CNTN4: variants seen among roughly 807,000 people sequenced by gnomAD.
The protein encoded by CNTN4 is contactin-4.
In CNTN4, 77 loss-of-function variants were observed where a neutral mutation model predicts 122.5. The ratio of observed to expected loss-of-function variants is 0.63; its 90% confidence interval spans 0.52 to 0.76. The LOEUF (loss-of-function observed/expected upper bound fraction) is 0.76. CNTN4 is among the 30% of genes least tolerant of loss of function. The probability of loss-of-function intolerance (pLI) is 0.00; values close to 1 mark genes in which losing one functional copy is unlikely to be tolerated. For synonymous variants in CNTN4, 512 were observed against 447.0 expected (o/e 1.15, Z -1.83); for missense variants, 1,256 against 1,259.1 (o/e 1.00, Z 0.04).
At chr3:3,042,830 A>G (rs532454315) in intron 21 of CNTN4, 147 bp from the exon 22 acceptor site, 1 of 705,980 alleles carries the variant, frequency 1.4e-6, no homozygotes, top group African/African-American at 1.8e-5. Flanking sequence ...CTCAGGATAT[A>G]CAGAGTCCTT....
intron 13 of CNTN4, among the ~76,000 whole-genome samples, chr3:2,967,674 C>T (rs1369601735): frequency 6.6e-6 from 1 of 152,086 alleles, no homozygotes; most frequent in Non-Finnish European, 1.5e-5. Context: ...TTTGCAATGG[C>T]AGTTTCCATA....
intron 4 of CNTN4, among the ~76,000 whole-genome samples, chr3:2,585,765 C>A (rs573069741): frequency 1.3e-5 from 2 of 150,918 alleles, no homozygotes; most frequent in African/African-American, 4.9e-5. Flanking sequence ...GTGCAGCACA[C>A]CAACATGGCA....
intron 3 of CNTN4, among the ~76,000 whole-genome samples, chr3:2,565,022 G>A (rs1259872046): frequency 6.6e-6 from 1 of 151,900 alleles, no homozygotes; most frequent in Non-Finnish European, 1.5e-5. Context: ...TTTAAAATGG[G>A]GAGCAACTGT....
At chr3:2,209,137 G>A (rs909023496) in intron 2 of CNTN4, among the ~76,000 whole-genome samples, 4 of 152,052 alleles carry the variant, frequency 2.6e-5, no homozygotes, top group Non-Finnish European at 5.9e-5. Flanking sequence ...TTTTAATATC[G>A]CCTAGCAGCT....
chr3:2,678,345 C>T (rs920544039), intron 4 of CNTN4, among the ~76,000 whole-genome samples: 5 of 152,064 alleles, frequency 3.3e-5, no homozygotes, highest in African/African-American at 1.2e-4. Flanking sequence ...TATATTTATC[C>T]TGTCCTTAAT....
At chr3:2,287,569 C>T (rs562881013) in intron 2 of CNTN4, among the ~76,000 whole-genome samples, 1 of 149,008 alleles carries the variant, frequency 6.7e-6, no homozygotes, top group South Asian at 2.2e-4. Flanking sequence ...TGCCACTGCA[C>T]TTTAGCCTGG....
chr3:2,606,246 A>T (rs916775531), intron 4 of CNTN4, among the ~76,000 whole-genome samples: 2 of 152,140 alleles, frequency 1.3e-5, no homozygotes, highest in Non-Finnish European at 2.9e-5. Context: ...TGGCAATAAG[A>T]AGTTATTGTA....
At chr3:2,413,171 C>G (rs2047290312) in intron 3 of CNTN4, among the ~76,000 whole-genome samples, 1 of 152,300 alleles carries the variant, frequency 6.6e-6, no homozygotes, top group South Asian at 2.1e-4. Context: ...TAACTCTTCT[C>G]ACTCATTTTG....
intron 12 of CNTN4, among the ~76,000 whole-genome samples, chr3:2,910,027 TGAGA>T (rs1301951748): frequency 1.3e-5 from 2 of 152,190 alleles, no homozygotes; most frequent in African/African-American, 4.8e-5. Flanking sequence ...TACCCCTGTA[TGAGA>T]GAAAGAGCAG....
intron 20 of CNTN4, 66 bp downstream of exon 20, chr3:3,040,337 G>A: frequency 2.5e-6 from 3 of 1,214,528 alleles, no homozygotes; most frequent in Non-Finnish European, 3.6e-6. Flanking sequence ...GTGGATTGTA[G>A]CACGTACAAT....
chr3:2,523,536 A>G (rs1215131117), intron 3 of CNTN4, among the ~76,000 whole-genome samples: 1 of 152,012 alleles, frequency 6.6e-6, no homozygotes, highest in Admixed American at 6.6e-5. Flanking sequence ...GCAAGTGTGG[A>G]AGGATCTTTT....
chr3:2,300,195 A>G (rs1181594764), intron 2 of CNTN4, among the ~76,000 whole-genome samples: 1 of 152,236 alleles, frequency 6.6e-6, no homozygotes, highest in East Asian at 1.9e-4. Context: ...AATGTTAGAC[A>G]GAGTGAATTG....
intron 13 of CNTN4, among the ~76,000 whole-genome samples, chr3:2,966,958 G>A (rs988822038): frequency 2.0e-5 from 3 of 152,310 alleles, no homozygotes; most frequent in South Asian, 2.1e-4. Context: ...TGCTCAATGG[G>A]TTCACCCTGC....
chr3:2,574,555 A>G (rs113449662), intron 4 of CNTN4, among the ~76,000 whole-genome samples: 8 of 152,306 alleles, frequency 5.3e-5, no homozygotes, highest in East Asian at 1.9e-4. Context: ...GTGTCTGGCA[A>G]TAATTTTCAA....
At chr3:2,520,324 GTGCA>G (rs2077167255) in intron 3 of CNTN4, among the ~76,000 whole-genome samples, 3 of 130,702 alleles carry the variant, frequency 2.3e-5, no homozygotes, top group Admixed American at 8.8e-5. Flanking sequence ...CCAGGCTGGA[GTGCA>G]GTGGCACAAT....
chr3:3,000,374 G>C (rs1018808701), intron 14 of CNTN4, among the ~76,000 whole-genome samples: 8 of 134,972 alleles, frequency 5.9e-5, no homozygotes, highest in Non-Finnish European at 1.3e-4. Context: ...GTAATCCAAG[G>C]AAGAGAAGAC....
At chr3:2,456,795 C>T (rs1255306197) in intron 3 of CNTN4, among the ~76,000 whole-genome samples, 1 of 152,052 alleles carries the variant, frequency 6.6e-6, no homozygotes, top group Non-Finnish European at 1.5e-5. Flanking sequence ...GTTGTTTCCA[C>T]CTTTTGGCTA....
At chr3:2,746,992 G>A (rs2089804809) in intron 6 of CNTN4, among the ~76,000 whole-genome samples, 2 of 151,630 alleles carry the variant, frequency 1.3e-5, no homozygotes, top group African/African-American at 4.9e-5. Flanking sequence ...ATAGGATCAT[G>A]TACTCTCAGA....
chr3:2,615,637 AG>A (rs2081690261), intron 4 of CNTN4, among the ~76,000 whole-genome samples: 1 of 152,208 alleles, frequency 6.6e-6, no homozygotes, highest in Non-Finnish European at 1.5e-5. Context: ...TATACCCTAA[AG>A]TATACTTGTT....
Sources: gnomAD v4.1 joint callset for allele counts (sites outside exome capture counted in the v4.1 genomes callset) on GRCh38, gnomAD v4.1.1 for gene constraint, MANE v1.5 for transcripts, NCBI Gene and HGNC (gene_info 2026-07-23, HGNC 2026-07-21) for gene names.